Variants in ZRSR2 observed in about 807,000 individuals in gnomAD.
ZRSR2 encodes U2 small nuclear ribonucleoprotein auxiliary factor 35 kDa subunit-related protein 2.
Under a neutral mutation model 39.4 loss-of-function variants are expected in ZRSR2, and 3 were observed. The ratio of observed to expected loss-of-function variants is 0.08; its 90% confidence interval spans 0.03 to 0.20. The LOEUF (loss-of-function observed/expected upper bound fraction) is 0.20. Ranked by LOEUF, ZRSR2 falls within the 10% of genes least tolerant of loss-of-function variation. The probability of loss-of-function intolerance (pLI) is 1.00; values close to 1 mark genes in which losing one functional copy is unlikely to be tolerated. For missense variants in ZRSR2, 256 were observed against 391.5 expected, an observed-to-expected ratio of 0.65 and a Z score of 2.92; for synonymous variants, 137 against 136.0, an observed-to-expected ratio of 1.01 and a Z score of -0.05.
chrX:15,809,369 C>T (rs752619614), intron 7 of ZRSR2, 51 bp downstream of exon 7: 7 of 917,089 alleles, frequency 7.6e-6, no homozygotes, highest in Admixed American at 4.7e-5. Context: ...AAAATGCTGA[C>T]GTTTTTGAGT....
chrX:15,809,086 C>G (rs923332604), intron 6 of ZRSR2, 114 bp from the exon 7 acceptor site: 3 of 580,905 alleles, frequency 5.2e-6, no homozygotes, highest in Non-Finnish European at 8.8e-6. Context: ...TAAATGTTTG[C>G]ATTATTAAAT....
At chrX:15,800,186 C>CTTTT (rs752445746) in intron 3 of ZRSR2, among the ~76,000 whole-genome samples, 66 of 79,184 alleles carry the variant, frequency 8.3e-4, no homozygotes, top group Non-Finnish European at 1.1e-3. Flanking sequence ...TTTTTTCTTT[C>CTTTT]TTTTTTTTTT....
chrX:15,809,965 G>A (rs1932854879), intron 7 of ZRSR2, among the ~76,000 whole-genome samples: 1 of 112,235 alleles, frequency 8.9e-6, no homozygotes, highest in Non-Finnish European at 1.9e-5. Context: ...GGCTTCAGTG[G>A]CTGCCAGTTT....
intron 9 of ZRSR2, 144 bp from the exon 10 acceptor site, chrX:15,820,063 C>A (rs1052019202): frequency 5.8e-6 from 3 of 521,709 alleles, no homozygotes; most frequent in Non-Finnish European, 9.4e-6. Flanking sequence ...GGGAGCTTGA[C>A]CATTTTAATG....
intron 7 of ZRSR2, among the ~76,000 whole-genome samples, chrX:15,814,446 T>C (rs1408103187): frequency 9.0e-6 from 1 of 111,244 alleles, no homozygotes; most frequent in Non-Finnish European, 1.9e-5. Flanking sequence ...CTGGGCAACA[T>C]AGCGAGACCC....
At chrX:15,791,116 G>T in intron 2 of ZRSR2, 103 bp downstream of exon 2, 3 of 724,968 alleles carry the variant, frequency 4.1e-6, no homozygotes, top group Non-Finnish European at 4.2e-6. Flanking sequence ...TATTGTGTCG[G>T]AGGAAAAATA....
intron 5 of ZRSR2, among the ~76,000 whole-genome samples, chrX:15,807,996 C>T (rs147472033): frequency 0.021 from 2,226 of 105,374 alleles, 58 homozygotes; most frequent in African/African-American, 0.068. Context: ...GCTGAGGTCA[C>T]GCCACTGCAC....
intron 9 of ZRSR2, 43 bp from the exon 10 acceptor site, chrX:15,820,164 A>G (rs1203541189): frequency 9.5e-7 from 1 of 1,049,271 alleles, no homozygotes; most frequent in South Asian, 1.9e-5. Context: ...TCTACATATT[A>G]GGAAGTTACT....
chrX:15,806,149 G>T (rs1251666968), intron 5 of ZRSR2, among the ~76,000 whole-genome samples: 2 of 106,322 alleles, frequency 1.9e-5, no homozygotes, highest in Non-Finnish European at 3.9e-5. Context: ...GGAGAGAAGG[G>T]CAGTGGAGGA....
intron 2 of ZRSR2, among the ~76,000 whole-genome samples, chrX:15,795,109 A>G (rs1246832271): frequency 1.3e-5 from 1 of 74,662 alleles, no homozygotes; most frequent in Non-Finnish European, 2.3e-5. Flanking sequence ...CATATTTACA[A>G]TCTCTTTCAC....
chrX:15,794,800 A>G (rs1268508084), intron 2 of ZRSR2, among the ~76,000 whole-genome samples: 1 of 112,291 alleles, frequency 8.9e-6, no homozygotes, highest in Non-Finnish European at 1.9e-5. Context: ...ATACAGTACC[A>G]ATTCTTCCAC....
chrX:15,821,199 G>A (rs1453099892), intron 10 of ZRSR2, among the ~76,000 whole-genome samples: 1 of 111,062 alleles, frequency 9.0e-6, no homozygotes, highest in Admixed American at 9.5e-5. Flanking sequence ...TAAAGGCTCG[G>A]GGGATGGAAG....
chrX:15,823,124 G>A lies in ZRSR2; in HGVS notation c.1331G>A (p.Arg444Gln), dbSNP rs1180602444. 2 of 1,205,851 alleles carry A rather than the reference G, an allele frequency of 1.7e-6. No homozygotes were observed. Among genetic ancestry groups the A allele is most frequent in the South Asian group, 3.5e-5 (2 of 56,623 alleles). Residue 444 changes from arginine to glutamine, a missense_variant, in exon 11 of 11, where the codon CGG becomes CAG. This residue lies in a region of ZRSR2 where 111 missense variants were observed against 116.7 expected (regional missense o/e 0.95). Transcript: ENST00000307771. The stretch of plus-strand genomic sequence containing the variant: ...GGCCGGGGCAGCCGGAGCCGGAGCC[G>A]GAGCCGGAGCCGCAGGAGCCGCCGC... ...SRGRGSRSRSRSRSRRSRRSR... is the reference protein window; with the variant it reads ...SRGRGSRSRSQSRSRRSRRSR...
chrX:15,800,375 C>T (rs1251908793), intron 3 of ZRSR2, among the ~76,000 whole-genome samples: 1 of 108,919 alleles, frequency 9.2e-6, no homozygotes, highest in East Asian at 2.9e-4. Flanking sequence ...TTAGTAGAGA[C>T]AGGGTTTCAC....
chrX:15,796,300 T>G (rs957023423), intron 2 of ZRSR2, among the ~76,000 whole-genome samples: 1 of 112,387 alleles, frequency 8.9e-6, no homozygotes, highest in Non-Finnish European at 1.9e-5. Flanking sequence ...GTAAACACAG[T>G]GAAAAATACG....
chrX:15,814,076 C>A (rs868170456), intron 7 of ZRSR2, among the ~76,000 whole-genome samples: 254 of 70,275 alleles, frequency 3.6e-3, no homozygotes, highest in Middle Eastern at 7.7e-3. Flanking sequence ...CTCCCCTCGC[C>A]AAAAAAAAAA....
At chrX:15,800,415 G>A (rs936995579) in intron 3 of ZRSR2, among the ~76,000 whole-genome samples, 2 of 110,021 alleles carry the variant, frequency 1.8e-5, no homozygotes, top group African/African-American at 6.6e-5. Flanking sequence ...TTGATCTCTT[G>A]TGATCAAGTG....
At chrX:15,793,767 ATC>A (rs1392195594) in intron 2 of ZRSR2, among the ~76,000 whole-genome samples, 2 of 112,190 alleles carry the variant, frequency 1.8e-5, no homozygotes, top group Non-Finnish European at 3.8e-5. Flanking sequence ...CAAACTCCTG[ATC>A]TCAGGTGATC....
At chrX:15,799,453 CTTTTT>C (rs781082388) in intron 2 of ZRSR2, among the ~76,000 whole-genome samples, 4 of 93,513 alleles carry the variant, frequency 4.3e-5, no homozygotes, top group Non-Finnish European at 8.4e-5. Context: ...CCCCCACCAC[CTTTTT>C]TTTTTTTTTT....
Sources: gnomAD v4.1 joint callset for allele counts (sites outside exome capture counted in the v4.1 genomes callset) on GRCh38, gnomAD v4.1.1 for gene constraint, gnomAD v4.1.1 regional missense constraint, MANE v1.5 for transcripts, NCBI Gene and HGNC (gene_info 2026-07-23, HGNC 2026-07-21) for gene names.